Variants in LRRC37A2 observed in about 807,000 individuals in gnomAD.
The protein encoded by LRRC37A2 is leucine-rich repeat-containing protein 37A2.
A neutral mutation model predicts 68.8 loss-of-function variants in LRRC37A2; 9 were observed. That is an observed-to-expected ratio of 0.13 (90% CI 0.08 to 0.23). The LOEUF is 0.23. Ranked by LOEUF, LRRC37A2 falls within the 10% of genes least tolerant of loss-of-function variation. The probability of loss-of-function intolerance (pLI) is 1.00; values close to 1 mark genes in which losing one functional copy is unlikely to be tolerated. For synonymous variants in LRRC37A2, 63 were observed against 367.6 expected, an observed-to-expected ratio of 0.17 and a Z score of 9.48; for missense variants, 168 against 950.4, an observed-to-expected ratio of 0.18 and a Z score of 10.82.
At chr17:46,424,625 T>A in the LRRC37A2 span, among the ~76,000 whole-genome samples, 1 of 112,074 alleles carries the variant, frequency 8.9e-6, no homozygotes, top group Admixed American at 8.6e-5. Flanking sequence ...TTATTTTTAA[T>A]TGACAGATAA....
At chr17:46,848,063 T>A in the LRRC37A2 span, among the ~76,000 whole-genome samples, 1 of 151,826 alleles carries the variant, frequency 6.6e-6, no homozygotes, top group Non-Finnish European at 1.5e-5. Flanking sequence ...TTGGGCTGGT[T>A]AATGGAGACA....
At chr17:47,002,771 T>C in the LRRC37A2 span, among the ~76,000 whole-genome samples, 2 of 151,508 alleles carry the variant, frequency 1.3e-5, no homozygotes, top group African/African-American at 4.8e-5. Flanking sequence ...GTCTTATTCA[T>C]TCTTTTTTTT....
At chr17:46,857,286 T>G in the LRRC37A2 span, among the ~76,000 whole-genome samples, 1 of 151,912 alleles carries the variant, frequency 6.6e-6, no homozygotes, top group Admixed American at 6.6e-5. Flanking sequence ...CTGGCCAACA[T>G]GGTGAAAACC....
At chr17:46,838,614 G>A in the LRRC37A2 span, among the ~76,000 whole-genome samples, 54 of 152,154 alleles carry the variant, frequency 3.5e-4, no homozygotes, top group Admixed American at 2.9e-3. Context: ...GCGACAGAGC[G>A]AGACCCTGTC....
At chr17:46,995,291 C>G in the LRRC37A2 span, among the ~76,000 whole-genome samples, 1 of 152,186 alleles carries the variant, frequency 6.6e-6, no homozygotes, top group Middle Eastern at 3.2e-3. Flanking sequence ...TACAGCCGAG[C>G]CCCCTGGGCC....
At chr17:46,840,016 TTTC>T in the LRRC37A2 span, among the ~76,000 whole-genome samples, 62 of 100,004 alleles carry the variant, frequency 6.2e-4, no homozygotes, top group East Asian at 0.014. Context: ...TCTTTCTTTC[TTTC>T]TTTCTTTCTT....
chr17:46,771,840 T>C, the LRRC37A2 span, among the ~76,000 whole-genome samples: 2 of 140,832 alleles, frequency 1.4e-5, no homozygotes, highest in Admixed American at 1.4e-4. Flanking sequence ...GGGGGGGCGG[T>C]GCTCGGGCGC....
the LRRC37A2 span, chr17:46,932,244 G>A: frequency 2.1e-3 from 3,443 of 1,611,134 alleles, 71 homozygotes; most frequent in African/African-American, 0.042. Flanking sequence ...TTGACAGATC[G>A]TGGGGGCTGG....
chr17:46,923,568 G>A, the LRRC37A2 span: 1 of 1,318,688 alleles, frequency 7.6e-7, no homozygotes, highest in African/African-American at 1.5e-5. Flanking sequence ...GACCTCGAGA[G>A]GAGACACGGA....
chr17:46,738,475 G>T, the LRRC37A2 span, among the ~76,000 whole-genome samples: 1 of 152,130 alleles, frequency 6.6e-6, no homozygotes, highest in African/African-American at 2.4e-5. Flanking sequence ...CTGAAGCAAA[G>T]TATAATAAAC....
chr17:46,610,029 C>CTTTCTTTCTTTCTT, the LRRC37A2 span, among the ~76,000 whole-genome samples: 11 of 88,976 alleles, frequency 1.2e-4, no homozygotes, highest in African/African-American at 4.2e-4. Context: ...TTCTTTCTTT[C>CTTTCTTTCTTTCTT]TCTCTCTCTC....
At chr17:46,864,057 G>A in the LRRC37A2 span, among the ~76,000 whole-genome samples, 2 of 152,198 alleles carry the variant, frequency 1.3e-5, no homozygotes, top group African/African-American at 2.4e-5. Flanking sequence ...AGGGGGTCAC[G>A]CACAAGGCAT....
At chr17:46,985,566 G>A in the LRRC37A2 span, among the ~76,000 whole-genome samples, 1 of 152,060 alleles carries the variant, frequency 6.6e-6, no homozygotes. Context: ...TGCAGGTTGG[G>A]TGTCTATGCA....
the LRRC37A2 span, among the ~76,000 whole-genome samples, chr17:46,820,404 T>G: frequency 6.7e-6 from 1 of 148,484 alleles, no homozygotes; most frequent in Non-Finnish European, 1.5e-5. Context: ...GGCTCAGAGA[T>G]GAGAGAGACG....
At chr17:46,935,452 C>T in the LRRC37A2 span, 20 of 1,397,540 alleles carry the variant, frequency 1.4e-5, no homozygotes, top group Admixed American at 3.1e-5. Context: ...AGTGCTACTA[C>T]GAGGGGTCCA....
At chr17:47,005,647 T>G in the LRRC37A2 span, 3 of 152,210 alleles carry the variant, frequency 2.0e-5, no homozygotes, top group African/African-American at 7.2e-5. Context: ...TTAGTACTTC[T>G]TGCTGTAATG....
At chr17:46,621,157 T>G in the LRRC37A2 span, among the ~76,000 whole-genome samples, 2 of 146,112 alleles carry the variant, frequency 1.4e-5, no homozygotes, top group Admixed American at 6.7e-5. Context: ...TATAGGAAGA[T>G]TCTATATTCA....
the LRRC37A2 span, among the ~76,000 whole-genome samples, chr17:46,727,225 A>G: frequency 6.6e-6 from 1 of 152,174 alleles, no homozygotes; most frequent in Admixed American, 6.5e-5. Flanking sequence ...GTTGAAGTGC[A>G]CTCCTACAGA....
At chr17:46,826,481 A>G in the LRRC37A2 span, among the ~76,000 whole-genome samples, 92 of 152,354 alleles carry the variant, frequency 6.0e-4, no homozygotes, top group African/African-American at 2.0e-3. Flanking sequence ...GCTTCTAGAT[A>G]AGGCCTGAAT....
Sources: gnomAD v4.1 joint callset for allele counts (sites outside exome capture counted in the v4.1 genomes callset) on GRCh38, gnomAD v4.1.1 for gene constraint, MANE v1.5 for transcripts, NCBI Gene and HGNC (gene_info 2026-07-23, HGNC 2026-07-21) for gene names.